The following MYO1E variants were observed in gnomAD, a reference collection of about 807,000 sequenced individuals.
MYO1E encodes the protein myosin IE, also known as unconventional myosin-Ie.
Under a neutral mutation model 151.1 loss-of-function variants are expected in MYO1E, and 68 were observed. The ratio of observed to expected loss-of-function variants is 0.45; its 90% CI spans 0.37 to 0.55. The LOEUF (loss-of-function observed/expected upper bound fraction) is 0.55. Ranked by LOEUF, MYO1E falls within the 20% of genes least tolerant of loss-of-function variation. The pLI is 0.00. For missense variants in MYO1E, 1,363 were observed against 1,389.3 expected, an observed-to-expected ratio of 0.98 and a Z score of 0.30; for synonymous variants, 601 against 501.7, an observed-to-expected ratio of 1.20 and a Z score of -2.64.
At chr15:59,231,861 T>C (rs2080030499) in intron 5 of MYO1E, 70 bp from the exon 6 acceptor site, 1 of 1,510,622 alleles carries the variant, frequency 6.6e-7, no homozygotes, top group Non-Finnish European at 9.2e-7. Context: ...CCAAACTTTC[T>C]CTAAGGACCT....
intron 18 of MYO1E, among the ~76,000 whole-genome samples, chr15:59,182,183 A>G (rs546300425): frequency 6.6e-5 from 10 of 152,276 alleles, no homozygotes; most frequent in Non-Finnish European, 8.8e-5. Context: ...ATTTCTTTCC[A>G]AACTTTGATT....
intron 1 of MYO1E, among the ~76,000 whole-genome samples, chr15:59,284,474 G>A (rs1393049057): frequency 6.6e-6 from 1 of 151,626 alleles, no homozygotes; most frequent in African/African-American, 2.4e-5. Flanking sequence ...TTTTGAGACA[G>A]GGTCTCACTT....
intron 1 of MYO1E, among the ~76,000 whole-genome samples, chr15:59,298,017 T>C (rs1194597655): frequency 6.6e-6 from 1 of 152,232 alleles, no homozygotes; most frequent in Non-Finnish European, 1.5e-5. Context: ...TAATTTTGTG[T>C]CCTTCTGAGG....
At chr15:59,298,440 A>G (rs1432758456) in intron 1 of MYO1E, among the ~76,000 whole-genome samples, 1 of 152,186 alleles carries the variant, frequency 6.6e-6, no homozygotes, top group African/African-American at 2.4e-5. Flanking sequence ...GCATTCCTAG[A>G]AGCTGAACTG....
At chr15:59,288,940 G>A (rs369995921) in intron 1 of MYO1E, among the ~76,000 whole-genome samples, 1 of 152,202 alleles carries the variant, frequency 6.6e-6, no homozygotes, top group African/African-American at 2.4e-5. Flanking sequence ...AAAAATTAAG[G>A]TGTTTAAACA....
In MYO1E at chr15:59,272,369, G is replaced by A. The variant is rs1274391989; in HGVS notation, c.84C>T (p.Ser28=). 8 of 1,614,044 alleles carry A rather than the reference G, an allele frequency of 5.0e-6. No individual in the cohort carries two copies. The highest frequency in any genetic ancestry group is 2.2e-5 in the South Asian group (2 of 91,080). ...CCACGATGGAGTTCTCTGTGATCTT[G>A]GACAGTAGCACCATGTCGTCCACAC... is the stretch of plus-strand genomic sequence containing the variant. ...HSGVDDMVLL[S]KITENSIVEN... Residue 28 remains serine, a synonymous_variant, in exon 2 of 28, where the codon TCC becomes TCT. Coordinates refer to ENST00000288235, the MANE Select transcript of MYO1E (RefSeq NM_004998.4).
At chr15:59,144,302 G>A (rs2079428121) in intron 26 of MYO1E, among the ~76,000 whole-genome samples, 2 of 151,930 alleles carry the variant, frequency 1.3e-5, no homozygotes, top group Non-Finnish European at 2.9e-5. Flanking sequence ...AAGTAGCTGG[G>A]ATTACAGGCG....
At chr15:59,236,728 T>A in intron 4 of MYO1E, 56 bp from the exon 5 acceptor site, 1 of 1,383,102 alleles carries the variant, frequency 7.2e-7, no homozygotes, top group Non-Finnish European at 1.0e-6. Context: ...CCAGCTCCCT[T>A]CCTTGTCTCC....
At chr15:59,341,017 A>C (rs1214795012) in intron 1 of MYO1E, among the ~76,000 whole-genome samples, 8 of 7,740 alleles carry the variant, frequency 1.0e-3, no homozygotes, top group Admixed American at 1.5e-3. Context: ...ACTCCATCTC[A>C]AAAAAAAAAA....
chr15:59,236,812 C>T, intron 4 of MYO1E, 140 bp from the exon 5 acceptor site: 1 of 763,150 alleles, frequency 1.3e-6, no homozygotes. Context: ...TTTTTAAGTA[C>T]AATACCAGTA....
At chr15:59,236,398 ACACACACAC>A (rs2080066055) in intron 5 of MYO1E, among the ~76,000 whole-genome samples, 178 bp downstream of exon 5, 1 of 150,860 alleles carries the variant, frequency 6.6e-6, no homozygotes, top group African/African-American at 2.4e-5. Context: ...ACACACACAC[ACACACACAC>A]ACACACACAC....
chr15:59,222,156 G>C lies in MYO1E; in HGVS notation c.910+903C>G, dbSNP rs563854752. Among the ~76,000 whole-genome samples, 34 of 152,090 alleles carry C rather than the reference G, an allele frequency of 2.2e-4. No individual in the cohort carries two copies. In the South Asian group the frequency reaches 7.0e-3, roughly 32 times the overall value. ...AGAACTTCCCTCTTTTATCAGAAAAGAAAACAAAAACATAAAAAAAGAACC... is the reference window on the plus strand; with the variant it reads ...AGAACTTCCCTCTTTTATCAGAAAACAAAACAAAAACATAAAAAAAGAACC... On this transcript the variant is annotated intron_variant, in intron 9 of 27. Transcript: ENST00000288235.
At chr15:59,260,722 T>G (rs1208565509) in intron 3 of MYO1E, among the ~76,000 whole-genome samples, 2 of 152,200 alleles carry the variant, frequency 1.3e-5, no homozygotes, top group African/African-American at 4.8e-5. Flanking sequence ...GTCATAGTCA[T>G]AGTTTAACAA....
chr15:59,143,409 C>G (rs757028906), intron 26 of MYO1E, among the ~76,000 whole-genome samples: 10 of 152,178 alleles, frequency 6.6e-5, no homozygotes, highest in African/African-American at 2.4e-4. Context: ...GGAAGGGCAA[C>G]ACTGATGCTG....
chr15:59,315,394 T>TA (rs1355076616), intron 1 of MYO1E, among the ~76,000 whole-genome samples: 1 of 152,024 alleles, frequency 6.6e-6, no homozygotes, highest in Non-Finnish European at 1.5e-5. Flanking sequence ...GTCTACTAGT[T>TA]AGGGTGGGCG....
rs2140295535 is a variant in MYO1E, at chr15:59,132,879, A to AATC, written c.*4498_*4500dup. 6.6e-6 allele frequency: 1 copy of AATC among 152,346 alleles called. No individual in the cohort carries two copies. The highest frequency in any genetic ancestry group is 6.5e-5 in the Admixed American group (1 of 15,310). 9.4% of individuals were successfully genotyped at this position (152,346 alleles called of 1,614,324 possible). ...AGGTTAATGGTCTTGGAAAGAGATGAATCAGAGGATTCAGATTTGTTAGAT... is the reference window on the plus strand; with the variant it reads ...AGGTTAATGGTCTTGGAAAGAGATGAATCATCAGAGGATTCAGATTTGTTAGAT... On this transcript the variant is annotated 3_prime_UTR_variant, in exon 28 of 28. Transcript: ENST00000288235.
intron 1 of MYO1E, among the ~76,000 whole-genome samples, chr15:59,353,369 A>AAAAAAAGAAAAG (rs1178465167): frequency 2.1e-4 from 20 of 96,888 alleles, no homozygotes; most frequent in African/African-American, 8.0e-4. Flanking sequence ...AAAAAAAAAA[A>AAAAAAAGAAAAG]AAAAGAAAAG....
intron 1 of MYO1E, among the ~76,000 whole-genome samples, chr15:59,333,095 T>G (rs979806415): frequency 6.6e-6 from 1 of 152,212 alleles, no homozygotes; most frequent in African/African-American, 2.4e-5. Flanking sequence ...TAGCTGACAG[T>G]TGCTTAGTAA....
intron 3 of MYO1E, among the ~76,000 whole-genome samples, chr15:59,257,416 TAC>T (rs1352006989): frequency 6.6e-6 from 1 of 152,128 alleles, no homozygotes; most frequent in African/African-American, 2.4e-5. Flanking sequence ...CGCAGTGAGC[TAC>T]AATTGTGGGA....
Sources: gnomAD v4.1 joint callset for allele counts (sites outside exome capture counted in the v4.1 genomes callset) on GRCh38, gnomAD v4.1.1 for gene constraint, MANE v1.5 for transcripts, NCBI Gene and HGNC (gene_info 2026-07-23, HGNC 2026-07-21) for gene names.